FAM193B: variants seen among roughly 807,000 people sequenced by gnomAD.
The protein encoded by FAM193B is protein FAM193B.
FAM193B carries 27 observed loss-of-function variants against 70.7 expected under a neutral mutation model. That is an observed-to-expected ratio of 0.38 (90% confidence interval 0.28 to 0.53). FAM193B has a LOEUF of 0.53. Ranked by LOEUF, FAM193B falls within the 20% of genes least tolerant of loss-of-function variation. The pLI is 0.81. For missense variants in FAM193B, 1,022 were observed against 1,072.5 expected, an observed-to-expected ratio of 0.95 and a Z score of 0.66; for synonymous variants, 448 against 436.0, an observed-to-expected ratio of 1.03 and a Z score of -0.34.
chr5:177,531,387 G>T, intron 5 of FAM193B: 1 of 1,358,854 alleles, frequency 7.4e-7, no homozygotes, highest in Non-Finnish European at 9.8e-7. Context: ...CATCTCGGTG[G>T]TCCACGGCGG....
rs531149279 is a variant in FAM193B at position 177,524,469 on chromosome 5, G to A, written c.2012C>T (p.Pro671Leu). The A allele has an allele frequency of 1.9e-6, 3 of 1,612,222 alleles. No individual in the cohort carries two copies. The highest frequency in any genetic ancestry group is 1.3e-5 in the African/African-American group (1 of 75,038). ...CTCTAGGACCCTGCCTGGCTGCTTG[G>A]GGCCAGCGACCTGGCCCTTGGCACT... ...VPSAKGQVAG[P>L]KQPGRVLELP... Residue 671 changes from proline (P) to leucine (L), a missense_variant, in exon 6 of 9, where the codon CCC becomes CTC. Transcript: ENST00000514747.
At chr5:177,547,520 G>A (rs551387540) in intron 1 of FAM193B, among the ~76,000 whole-genome samples, 40 of 151,486 alleles carry the variant, frequency 2.6e-4, no homozygotes, top group Non-Finnish European at 4.0e-4. Flanking sequence ...TCCTGACCTC[G>A]TGATCCTCCC....
intron 3 of FAM193B, among the ~76,000 whole-genome samples, chr5:177,537,627 T>C (rs1266411233): frequency 6.6e-6 from 1 of 152,198 alleles, no homozygotes; most frequent in African/African-American, 2.4e-5. Context: ...CAATGTGAAC[T>C]ACCAGAGCCA....
At chr5:177,550,645 G>A (rs895362108) in intron 1 of FAM193B, among the ~76,000 whole-genome samples, 1 of 152,122 alleles carries the variant, frequency 6.6e-6, no homozygotes, top group Non-Finnish European at 1.5e-5. Flanking sequence ...AGTCTCCTGG[G>A]GGCTTATTGA....
intron 5 of FAM193B, among the ~76,000 whole-genome samples, chr5:177,527,533 G>A (rs1762799904): frequency 6.6e-6 from 1 of 152,228 alleles, no homozygotes; most frequent in African/African-American, 2.4e-5. Context: ...TGCCACAGCA[G>A]CCCCACTGCC....
chr5:177,523,852 G>T, intron 7 of FAM193B, 105 bp downstream of exon 7: 2 of 1,318,096 alleles, frequency 1.5e-6, no homozygotes, highest in African/African-American at 1.4e-5. Flanking sequence ...AGGGGTCAGG[G>T]CCAAGGGAGC....
intron 1 of FAM193B, among the ~76,000 whole-genome samples, chr5:177,548,750 C>T (rs1765791500): frequency 6.6e-6 from 1 of 152,218 alleles, no homozygotes; most frequent in Non-Finnish European, 1.5e-5. Context: ...CTGTCTCTCC[C>T]ACTGAGAATT....
At chr5:177,534,792 A>G (rs923428313) in intron 4 of FAM193B, among the ~76,000 whole-genome samples, 1 of 151,962 alleles carries the variant, frequency 6.6e-6, no homozygotes, top group Admixed American at 6.5e-5. Flanking sequence ...TAGTTTTTAA[A>G]TTTTTTGTAG....
At position 177,554,536 on chromosome 5, in the gene FAM193B, G is replaced by GCCGCCGCCGCCGCCGCCGCCGC. The variant is rs1208467057; in HGVS notation, c.-79_-78insGCGGCGGCGGCGGCGGCGGCGG. 6 of 883,708 alleles carry GCCGCCGCCGCCGCCGCCGCCGC rather than the reference G, an allele frequency of 6.8e-6. No individual in the cohort carries two copies. In the African/African-American group the frequency reaches 7.3e-5, roughly 11 times the overall value. The allele number at this position is 883,708 out of a possible 1,614,324, so 54.7% of individuals were successfully genotyped here. A position where few individuals can be genotyped will look rare whatever the true frequency, so the allele number is the denominator to read the frequency against. On this transcript the variant is annotated 5_prime_UTR_variant, in exon 1 of 9. Transcript: ENST00000514747. ...CGCCGCCGCCGCCGCCGCCGCTACC[G>GCCGCCGCCGCCGCCGCCGCCGC]CTCCCCTCACAGGACAACAGCCAAT...
chr5:177,531,245 A>G (rs1315341569), intron 5 of FAM193B: 1 of 1,237,246 alleles, frequency 8.1e-7, no homozygotes, highest in Non-Finnish European at 1.1e-6. Flanking sequence ...GTCCTCAGGG[A>G]GGAGAGACGG....
At chr5:177,541,170 T>C (rs578130035) in intron 1 of FAM193B, among the ~76,000 whole-genome samples, 1 of 152,322 alleles carries the variant, frequency 6.6e-6, no homozygotes, top group East Asian at 1.9e-4. Context: ...AGTTGTTTAA[T>C]GGCAACTGCA....
Position 177,538,923 on chromosome 5 carries a change from A to G in FAM193B, c.435T>C (p.Gly145=). ...KSMEEDERQT[G]REHAVAISLS... ...TACCTACCGCCACTGCATGTTCTCG[A>G]CCTGTCTGCCTTTCATCTTCCTCCA... Residue 145 remains glycine (G), a synonymous_variant, in exon 2 of 9, where the codon GGT becomes GGC. Transcript: ENST00000514747. The surrounding 1 kb of genome is among the most constrained non-coding windows in gnomAD (Gnocchi z 4.1). 1 of 1,613,972 alleles carries G rather than the reference A, an allele frequency of 6.2e-7. No individual in the cohort carries two copies. The highest frequency in any genetic ancestry group is 8.5e-7 in the Non-Finnish European group (1 of 1,179,880).
rs139454713 is a variant in FAM193B at position 177,542,271 on chromosome 5, T to C, written c.211-3124A>G. Among the ~76,000 whole-genome samples, 156 of 152,362 alleles carry C rather than the reference T, an allele frequency of 1.0e-3. 4 individuals carry two copies. In the East Asian group the frequency reaches 0.027, roughly 27 times the overall value. On this transcript the variant is annotated intron_variant, in intron 1 of 8. Coordinates refer to ENST00000514747, the MANE Select transcript of FAM193B (RefSeq NM_001190946.3). ...TGGCTTTGGCATTAATCCTGGCCTC[T>C]ATCACTTACCAGCTGTAAGATGCTG...
chr5:177,531,629 T>G, intron 5 of FAM193B: 1 of 996,946 alleles, frequency 1.0e-6, no homozygotes, highest in Non-Finnish European at 1.3e-6. Context: ...AACTGTTCTC[T>G]CTACCATTAG....
chr5:177,521,942 G>T, intron 8 of FAM193B, 32 bp downstream of exon 8: 3 of 1,544,996 alleles, frequency 1.9e-6, no homozygotes, highest in Non-Finnish European at 2.7e-6. Context: ...CACAGGGAGA[G>T]GCAGTGGATG....
In FAM193B at chr5:177,538,052, G is replaced by C; in HGVS notation, c.509C>G (p.Ser170Trp). Reference protein sequence around the residue: ...KSQSCGDDSHSSSSSSSSSSS... With the variant: ...KSQSCGDDSHWSSSSSSSSSS... ...GGATGATGAGGAGGAAGACGAGGAC[G>C]AATGAGAGTCATCTCCACAAGACTG... Residue 170 changes from serine (S) to tryptophan (W), a missense_variant, in exon 3 of 9, where the codon TCG (serine) becomes TGG (tryptophan). Coordinates refer to ENST00000514747, the MANE Select transcript of FAM193B (RefSeq NM_001190946.3). This position sits in a 1 kb window ranked among gnomAD's most constrained non-coding sequence, Gnocchi z 4.1. The C allele has an allele frequency of 6.4e-7, 1 of 1,552,686 alleles. No homozygotes were observed. Among genetic ancestry groups the C allele is most frequent in the East Asian group, 2.4e-5 (1 of 40,962 alleles).
chr5:177,553,864 C>A (rs1766658004), intron 1 of FAM193B: 2 of 1,260,116 alleles, frequency 1.6e-6, no homozygotes, highest in East Asian at 5.6e-5. Context: ...GTCGTCCAGT[C>A]CCAGAGCCCC....
intron 1 of FAM193B, chr5:177,553,724 G>A: frequency 2.3e-6 from 3 of 1,287,972 alleles, no homozygotes; most frequent in Non-Finnish European, 3.0e-6. Flanking sequence ...CAGCCTGGCT[G>A]TCTGCTCCAA....
chr5:177,541,332 TTAC>T (rs773288896), intron 1 of FAM193B, among the ~76,000 whole-genome samples: 5 of 152,326 alleles, frequency 3.3e-5, no homozygotes, highest in East Asian at 3.9e-4. Context: ...ACATGTAATT[TTAC>T]TACAACGGTT....
Sources: allele counts gnomAD v4.1 joint callset (sites outside exome capture counted in the v4.1 genomes callset), GRCh38; gene constraint gnomAD v4.1.1; non-coding constraint Gnocchi (gnomAD v3.1); transcripts MANE v1.5; gene names NCBI Gene and HGNC (gene_info 2026-07-23, HGNC 2026-07-21).